GRAMD1C: variants seen among roughly 807,000 people sequenced by gnomAD.
The protein encoded by GRAMD1C is protein Aster-C.
GRAMD1C carries 89 observed loss-of-function variants against 97.8 expected under a neutral mutation model. That is an observed-to-expected ratio of 0.91 (90% CI 0.77 to 1.09). GRAMD1C has a LOEUF of 1.09. Ranked by LOEUF, GRAMD1C falls within the 50% of genes least tolerant of loss-of-function variation. The probability of loss-of-function intolerance (pLI) is 0.00; values close to 1 mark genes in which losing one functional copy is unlikely to be tolerated. For missense variants in GRAMD1C, 740 were observed against 766.4 expected, an observed-to-expected ratio of 0.97 and a Z score of 0.41; for synonymous variants, 256 against 267.0, an observed-to-expected ratio of 0.96 and a Z score of 0.40.
At chr3:113,853,831 C>T (rs779387760) in intron 2 of GRAMD1C, among the ~76,000 whole-genome samples, 7 of 152,120 alleles carry the variant, frequency 4.6e-5, no homozygotes, top group Non-Finnish European at 7.4e-5. Context: ...TCAGGAATAG[C>T]TTCTCTGAGG....
At chr3:113,832,039 G>GTGTTTTTTTTTTTT (rs1553713219) in intron 1 of GRAMD1C, among the ~76,000 whole-genome samples, 2 of 149,420 alleles carry the variant, frequency 1.3e-5, no homozygotes, top group African/African-American at 5.1e-5. Flanking sequence ...CAGCAACTTT[G>GTGTTTTTTTTTTTT]TTTTTTTTGA....
chr3:113,871,392 G>A (rs1934804756), intron 3 of GRAMD1C, among the ~76,000 whole-genome samples: 1 of 152,028 alleles, frequency 6.6e-6, no homozygotes. Context: ...TTTAGGTTGG[G>A]TGTGGTGGCT....
intron 8 of GRAMD1C, among the ~76,000 whole-genome samples, chr3:113,904,747 C>T (rs1936301572): frequency 6.6e-6 from 1 of 152,054 alleles, no homozygotes; most frequent in South Asian, 2.1e-4. Context: ...GCAGGCAGGT[C>T]CAGTTAACTA....
rs574719415 is a variant in GRAMD1C at position 113,881,023 on chromosome 3, A to G, written c.460-1729A>G. 2.9e-3 allele frequency among the ~76,000 whole-genome samples: 435 copies of G among 152,342 alleles called. 1 individual carries two copies. Among genetic ancestry groups the G allele is most frequent in the Non-Finnish European group, 4.9e-3 (336 of 68,016 alleles). On this transcript the variant is annotated intron_variant, in intron 5 of 17. Transcript: ENST00000358160. ...CTATGACTAAAGGAAGGCTAATCAT[A>G]GCAATTTTAGTTGTTTTGGGTTCTA... is the stretch of plus-strand genomic sequence containing the variant.
At chr3:113,896,548 C>T (rs1935957447) in intron 6 of GRAMD1C, among the ~76,000 whole-genome samples, 1 of 152,162 alleles carries the variant, frequency 6.6e-6, no homozygotes, top group African/African-American at 2.4e-5. Flanking sequence ...TGTATATTTT[C>T]TCATAGCTAT....
intron 1 of GRAMD1C, 62 bp downstream of exon 1, chr3:113,838,998 G>A: frequency 9.6e-7 from 1 of 1,044,396 alleles, no homozygotes; most frequent in Non-Finnish European, 1.2e-6. Context: ...TTTTTCTCAC[G>A]GTGATTGCTT....
chr3:113,867,530 G>A (rs1934631011), intron 2 of GRAMD1C, among the ~76,000 whole-genome samples: 1 of 152,164 alleles, frequency 6.6e-6, no homozygotes, highest in African/African-American at 2.4e-5. Flanking sequence ...GACCTTAGGT[G>A]ATCCACCCAC....
At chr3:113,917,429 T>G (rs891092033) in intron 10 of GRAMD1C, among the ~76,000 whole-genome samples, 1 of 151,784 alleles carries the variant, frequency 6.6e-6, no homozygotes, top group Non-Finnish European at 1.5e-5. Context: ...GTTCAAGCGA[T>G]TCTTGTGCCT....
intron 10 of GRAMD1C, chr3:113,919,714 G>T: frequency 1.7e-6 from 1 of 605,642 alleles, no homozygotes; most frequent in Non-Finnish European, 3.1e-6. Context: ...ACTGTATTAA[G>T]ATAGAAGTGG....
At chr3:113,880,323 A>G (rs192949918) in intron 5 of GRAMD1C, among the ~76,000 whole-genome samples, 2 of 151,958 alleles carry the variant, frequency 1.3e-5, no homozygotes, top group Admixed American at 1.3e-4. Context: ...CTTTCTTTTT[A>G]TTTACATACA....
At chr3:113,941,921 CTT>C (rs1400274107) in intron 17 of GRAMD1C, among the ~76,000 whole-genome samples, 3 of 129,414 alleles carry the variant, frequency 2.3e-5, no homozygotes, top group Non-Finnish European at 1.7e-5. Context: ...GCCCGGCCAT[CTT>C]TTTTTTTTTT....
intron 2 of GRAMD1C, among the ~76,000 whole-genome samples, chr3:113,854,210 T>C (rs1273704229): frequency 6.6e-6 from 1 of 152,100 alleles, no homozygotes; most frequent in African/African-American, 2.4e-5. Flanking sequence ...GGTGGGCTAT[T>C]GAATATACTA....
chr3:113,938,930 C>T (rs762819404), intron 15 of GRAMD1C: 2 of 151,848 alleles, frequency 1.3e-5, no homozygotes, highest in Non-Finnish European at 2.9e-5. Flanking sequence ...GTTTGTTGTT[C>T]CTTTGGGCTT....
chr3:113,848,164 G>T (rs1001150245), intron 2 of GRAMD1C, among the ~76,000 whole-genome samples: 3 of 152,216 alleles, frequency 2.0e-5, no homozygotes, highest in African/African-American at 7.2e-5. Context: ...TGGAGACTGC[G>T]AACAAAATAT....
At chr3:113,908,236 T>C (rs190914841) in intron 8 of GRAMD1C, among the ~76,000 whole-genome samples, 21 of 152,368 alleles carry the variant, frequency 1.4e-4, no homozygotes, top group Admixed American at 1.4e-3. Flanking sequence ...CCACTAAGTC[T>C]GATTATAATA....
chr3:113,845,946 AG>A (rs1362294351), intron 2 of GRAMD1C, among the ~76,000 whole-genome samples: 1 of 152,178 alleles, frequency 6.6e-6, no homozygotes, highest in Non-Finnish European at 1.5e-5. Flanking sequence ...TGACATTATA[AG>A]TTTTTTTGAA....
intron 2 of GRAMD1C, among the ~76,000 whole-genome samples, chr3:113,864,552 A>G (rs1210969243): frequency 1.3e-5 from 2 of 152,098 alleles, no homozygotes; most frequent in Non-Finnish European, 2.9e-5. Flanking sequence ...CAGCCCTCTC[A>G]GGTTTGGCCA....
At chr3:113,864,561 C>T (rs1205992364) in intron 2 of GRAMD1C, among the ~76,000 whole-genome samples, 5 of 152,058 alleles carry the variant, frequency 3.3e-5, no homozygotes, top group African/African-American at 7.2e-5. Flanking sequence ...CAGGTTTGGC[C>T]ATCCCCAAAG....
chr3:113,934,004 T>A (rs571011507), intron 12 of GRAMD1C, among the ~76,000 whole-genome samples: 8 of 152,302 alleles, frequency 5.3e-5, no homozygotes, highest in Admixed American at 5.2e-4. Flanking sequence ...TAATTGGCTC[T>A]GCTGCAGTGG....
Sources: allele counts gnomAD v4.1 joint callset (sites outside exome capture counted in the v4.1 genomes callset), GRCh38; gene constraint gnomAD v4.1.1; transcripts MANE v1.5; gene names NCBI Gene and HGNC (gene_info 2026-07-23, HGNC 2026-07-21).